MYOC: variants seen among roughly 807,000 people sequenced by gnomAD.
MYOC encodes juvenile-onset open-angle glaucoma 1.
A neutral mutation model predicts 28.2 loss-of-function variants in MYOC; 29 were observed. The observed-to-expected ratio is 1.03, with a 90% CI of 0.77 to 1.40. The LOEUF is 1.40. Among genes scored for constraint, MYOC ranks in the 40% most tolerant of loss-of-function variants. The pLI is 0.00. For missense variants in MYOC, 569 were observed against 620.6 expected, an observed-to-expected ratio of 0.92 and a Z score of 0.88; for synonymous variants, 240 against 245.6, an observed-to-expected ratio of 0.98 and a Z score of 0.21.
chr1:171,639,653 A>AAAAG (rs386368733), intron 1 of MYOC, among the ~76,000 whole-genome samples: 2 of 11,180 alleles, frequency 1.8e-4, no homozygotes, highest in African/African-American at 1.5e-3. Flanking sequence ...TCAAGGTCTC[A>AAAAG]AAAAAAAAAA....
Position 171,636,709 on chromosome 1 carries a change from C to T in MYOC, c.731G>A (p.Gly244Glu). The T allele has an allele frequency of 3.1e-6, 5 of 1,601,004 alleles. No individual in the cohort carries two copies. Among genetic ancestry groups the T allele is most frequent in the Non-Finnish European group, 4.2e-6 (5 of 1,179,918 alleles). ...GYLRSGEGDTGCGELVWVGEP... is the reference protein window; with the variant it reads ...GYLRSGEGDTECGELVWVGEP... ...TCCTACCCAAACTAGTTCTCCACAT[C>T]CTGGTAAATTCAGAAAAGAAAACGA... The change falls in exon 3 of 3, where the codon GGA becomes GAA. Residue 244 changes from glycine (G) to glutamate (E), a missense_variant and splice_region_variant. Transcript: ENST00000037502.
intron 1 of MYOC, among the ~76,000 whole-genome samples, chr1:171,641,320 C>T (rs1653073256): frequency 6.6e-6 from 1 of 152,078 alleles, no homozygotes; most frequent in Non-Finnish European, 1.5e-5. Flanking sequence ...CAGAAGAGGG[C>T]ACCAGGGGAA....
At position 171,636,681 on chromosome 1, in the gene MYOC, C is replaced by A; in HGVS notation, c.759G>T (p.Glu253Asp). Reference sequence around the variant, plus strand: ...TTTCTGCTGTTCTCAGCGTGAGAGGCTCTCCTACCCAAACTAGTTCTCCAC... The same window carrying A: ...TTTCTGCTGTTCTCAGCGTGAGAGGATCTCCTACCCAAACTAGTTCTCCAC... ...TGCGELVWVG[E>D]PLTLRTAETI... is the part of the protein sequence containing the mutation. The change falls in exon 3 of 3, where the codon GAG becomes GAT. Residue 253 changes from glutamate to aspartate, a missense_variant. Physicochemically the swap from Glu to Asp is conservative, Grantham distance 45. Transcript: ENST00000037502. 1 of 1,603,666 alleles carries A rather than the reference C, an allele frequency of 6.2e-7. No individual in the cohort carries two copies. Among genetic ancestry groups the A allele is most frequent in the Non-Finnish European group, 8.5e-7 (1 of 1,179,974 alleles).
At chr1:171,637,065 C>A (rs971580412) in intron 2 of MYOC, among the ~76,000 whole-genome samples, 35 of 152,160 alleles carry the variant, frequency 2.3e-4, no homozygotes, top group African/African-American at 8.2e-4. Context: ...TTATTGCTAT[C>A]ACTGAGGGGC....
At chr1:171,648,744 G>A (rs1041088079) in intron 1 of MYOC, among the ~76,000 whole-genome samples, 6 of 147,660 alleles carry the variant, frequency 4.1e-5, no homozygotes, top group Non-Finnish European at 9.0e-5. Context: ...CTGGAGTGCA[G>A]TAGCGTGATC....
At chr1:171,638,080 T>C (rs115809863) in intron 2 of MYOC, among the ~76,000 whole-genome samples, 2,008 of 152,324 alleles carry the variant, frequency 0.013, 45 homozygotes, top group African/African-American at 0.044. Context: ...TCAAAGTTTC[T>C]GGAAATCACA....
chr1:171,650,630 A>G (rs1653331614), intron 1 of MYOC, among the ~76,000 whole-genome samples: 1 of 152,206 alleles, frequency 6.6e-6, no homozygotes, highest in Admixed American at 6.5e-5. Context: ...TTCTAACCCC[A>G]TAGCTATGAA....
intron 1 of MYOC, among the ~76,000 whole-genome samples, chr1:171,640,598 G>A (rs978536240): frequency 6.6e-6 from 1 of 152,130 alleles, no homozygotes; most frequent in Non-Finnish European, 1.5e-5. Context: ...AGCCTGGGTG[G>A]TGATGTGTAC....
intron 1 of MYOC, among the ~76,000 whole-genome samples, chr1:171,642,391 T>C (rs923591262): frequency 1.3e-5 from 2 of 152,038 alleles, no homozygotes; most frequent in Non-Finnish European, 2.9e-5. Context: ...GGTGGCAGGA[T>C]TGCATGAGGC....
chr1:171,649,306 C>T (rs916411440), intron 1 of MYOC, among the ~76,000 whole-genome samples: 1 of 152,208 alleles, frequency 6.6e-6, no homozygotes, highest in African/African-American at 2.4e-5. Flanking sequence ...AGCTTCTCTA[C>T]CCAAACCTTC....
chr1:171,641,098 C>G (rs1653067906), intron 1 of MYOC, among the ~76,000 whole-genome samples: 1 of 152,158 alleles, frequency 6.6e-6, no homozygotes, highest in African/African-American at 2.4e-5. Flanking sequence ...GTAACAACTG[C>G]TGTGGCGGGA....
chr1:171,648,649 T>C (rs1461339251), intron 1 of MYOC, among the ~76,000 whole-genome samples: 1 of 147,962 alleles, frequency 6.8e-6, no homozygotes, highest in Non-Finnish European at 1.5e-5. Context: ...ATATAATAAA[T>C]TTATATATAT....
chr1:171,638,926 T>C (rs1330662905), intron 1 of MYOC: 1 of 473,286 alleles, frequency 2.1e-6, no homozygotes, highest in African/African-American at 2.0e-5. Context: ...AAACCCTGTC[T>C]TTGCTAAAAA....
intron 1 of MYOC, 45 bp downstream of exon 1, chr1:171,651,963 C>T (rs184216730): frequency 1.6e-5 from 26 of 1,613,812 alleles, no homozygotes; most frequent in Middle Eastern, 3.3e-4. Flanking sequence ...CACTACGAGC[C>T]ATATCACCTG....
chr1:171,652,654 C>G lies in MYOC; in HGVS notation c.-43G>C. 1 of 1,612,164 alleles carries G rather than the reference C, an allele frequency of 6.2e-7. No individual in the cohort carries two copies. The highest frequency in any genetic ancestry group is 8.5e-7 in the Non-Finnish European group (1 of 1,179,852). ...GCTTCCTCTGGAAAGCTCTGCTGTG[C>G]TGAGAGGTGCCTGGATGGGTGGCCT... On this transcript the variant is annotated 5_prime_UTR_variant, in exon 1 of 3. Coordinates refer to ENST00000037502, the MANE Select transcript of MYOC (RefSeq NM_000261.2).
intron 1 of MYOC, 50 bp from the exon 2 acceptor site, chr1:171,638,772 A>G (rs1652994359): frequency 6.2e-7 from 1 of 1,602,902 alleles, no homozygotes; most frequent in African/African-American, 1.3e-5. Flanking sequence ...AAATGGCCCA[A>G]GGATTGACTA....
intron 1 of MYOC, among the ~76,000 whole-genome samples, chr1:171,640,761 C>T (rs1253007601): frequency 6.6e-6 from 1 of 152,128 alleles, no homozygotes; most frequent in Admixed American, 6.5e-5. Context: ...AAACCCATCA[C>T]ATACACATAA....
intron 1 of MYOC, among the ~76,000 whole-genome samples, 178 bp downstream of exon 1, chr1:171,651,830 G>A (rs1043164137): frequency 2.6e-5 from 4 of 152,172 alleles, no homozygotes; most frequent in Admixed American, 6.5e-5. Context: ...GCTCTCAGGA[G>A]CTAAATTACT....
chr1:171,638,672 G>C lies in MYOC; in HGVS notation c.655C>G (p.Leu219Val), dbSNP rs1652991534. 6.2e-7 allele frequency: 1 copy of C among 1,614,046 alleles called. No homozygotes were observed. The highest frequency in any genetic ancestry group is 1.3e-5 in the African/African-American group (1 of 74,922). The change falls in exon 2 of 3, where the codon CTA (leucine) becomes GTA (valine). Residue 219 changes from leucine (L) to valine (V), a missense_variant. Transcript: ENST00000037502. Reference sequence around the variant, plus strand: ...ATTCGGGAAGCAGGAACTTCAGTTAGCTCGGACTTCAGTTCCTGGAAGGCC... The same window carrying C: ...ATTCGGGAAGCAGGAACTTCAGTTACCTCGGACTTCAGTTCCTGGAAGGCC... Reference protein sequence around the residue: ...TLAFQELKSELTEVPASRILK... With the variant: ...TLAFQELKSEVTEVPASRILK...
Sources: gnomAD v4.1 joint callset for allele counts (sites outside exome capture counted in the v4.1 genomes callset) on GRCh38, gnomAD v4.1.1 for gene constraint, MANE v1.5 for transcripts, NCBI Gene and HGNC (gene_info 2026-07-23, HGNC 2026-07-21) for gene names.